Variants in CLIC5 observed in about 807,000 individuals in gnomAD.
CLIC5 encodes chloride intracellular channel protein 5.
A neutral mutation model predicts 24.7 loss-of-function variants in CLIC5; 20 were observed. That is an observed-to-expected ratio of 0.81 (90% CI 0.57 to 1.18). The LOEUF (loss-of-function observed/expected upper bound fraction) is 1.18. CLIC5 is among the 50% of genes most tolerant of loss of function. The probability of loss-of-function intolerance (pLI) is 0.00; values close to 1 mark genes in which losing one functional copy is unlikely to be tolerated. For synonymous variants in CLIC5, 159 were observed against 135.6 expected (o/e 1.17, Z -1.20); for missense variants, 341 against 326.1 (o/e 1.05, Z -0.35).
the CLIC5 span, among the ~76,000 whole-genome samples, chr6:46,087,110 A>C: frequency 6.6e-6 from 1 of 152,152 alleles, no homozygotes; most frequent in Non-Finnish European, 1.5e-5. Flanking sequence ...TGCTTCTCAA[A>C]TTGAACATGG....
At chr6:45,994,033 T>C (rs7773297) in intron 1 of CLIC5, among the ~76,000 whole-genome samples, 89,666 of 151,954 alleles carry the variant, frequency 0.59, 26,825 homozygotes, top group East Asian at 0.78. Context: ...AGCTTTTTTC[T>C]TGAGATTGAC....
the CLIC5 span, among the ~76,000 whole-genome samples, chr6:46,099,633 T>G: frequency 6.6e-6 from 1 of 152,238 alleles, no homozygotes; most frequent in Non-Finnish European, 1.5e-5. Context: ...TATATATGTA[T>G]GTACATATGC....
intron 1 of CLIC5, among the ~76,000 whole-genome samples, chr6:46,048,747 G>A (rs1768023929): frequency 6.6e-6 from 1 of 152,122 alleles, no homozygotes; most frequent in African/African-American, 2.4e-5. Context: ...TTTAACCAGT[G>A]AGAAGTTGGC....
chr6:45,891,633 CA>C lies in CLIC5; in HGVS notation c.624-10446del, dbSNP rs5875942. 5.5e-3 allele frequency among the ~76,000 whole-genome samples: 700 copies of C among 126,556 alleles called. 5 individuals are homozygous for C. The highest frequency in any genetic ancestry group is 0.015 in the African/African-American group (540 of 35,122). The allele number at this position is 126,556 out of a possible 152,430, so 83.0% of individuals were successfully genotyped here. A position where few individuals can be genotyped will look rare whatever the true frequency, so the allele number is the denominator to read the frequency against. On this transcript the variant is annotated intron_variant, in intron 6 of 6. Coordinates refer to the CLIC5 transcript ENST00000644324. ...CTGGTGACAGAGCAAGATTTCATTT[CA>C]AAAAAAAAAAAAAAGAATGTGTATG...
rs116333769 is a variant in CLIC5 at position 46,063,127 on chromosome 6, G to A, written c.540+16576C>T. 4.7e-3 allele frequency among the ~76,000 whole-genome samples: 723 copies of A among 152,290 alleles called. 3 individuals are homozygous for A. The highest frequency in any genetic ancestry group is 0.016 in the African/African-American group (675 of 41,564). ...GTTTTTTGTCAGAAGGCCAAAATATGTTGCTATAGCTGTCATCTCACAATG... is the reference window on the plus strand; with the variant it reads ...GTTTTTTGTCAGAAGGCCAAAATATATTGCTATAGCTGTCATCTCACAATG... On this transcript the variant is annotated intron_variant, in intron 1 of 5. Coordinates refer to the CLIC5 transcript ENST00000185206.
chr6:45,905,350 C>T (rs982558451), intron 5 of CLIC5, among the ~76,000 whole-genome samples: 1 of 152,102 alleles, frequency 6.6e-6, no homozygotes, highest in Non-Finnish European at 1.5e-5. Context: ...TATAAGTGTT[C>T]CCTTTTCTCC....
chr6:46,074,316 A>T (rs958970564), intron 1 of CLIC5, among the ~76,000 whole-genome samples: 1 of 152,188 alleles, frequency 6.6e-6, no homozygotes. Flanking sequence ...GATTATGTTG[A>T]GTGCCCCATT....
intron 1 of CLIC5, among the ~76,000 whole-genome samples, chr6:45,974,497 G>GTATATATATATA (rs1554154071): frequency 5.2e-5 from 4 of 76,192 alleles, no homozygotes; most frequent in African/African-American, 9.3e-5. Flanking sequence ...GTGTGTGTGT[G>GTATATATATATA]TATATATATA....
At chr6:46,019,372 C>G (rs998866684), upstream of CLIC5, among the ~76,000 whole-genome samples, 4 of 152,080 alleles carry the variant, frequency 2.6e-5, no homozygotes, top group African/African-American at 9.7e-5. Context: ...TGGAAAAGCC[C>G]CTGCCATGCA....
At chr6:46,004,768 A>G (rs574567119) in intron 1 of CLIC5, among the ~76,000 whole-genome samples, 4 of 151,632 alleles carry the variant, frequency 2.6e-5, no homozygotes, top group Non-Finnish European at 5.9e-5. Flanking sequence ...GAAAGGCCAC[A>G]TAACTTTCCC....
chr6:46,055,490 G>A (rs1434435672), intron 1 of CLIC5, among the ~76,000 whole-genome samples: 2 of 151,966 alleles, frequency 1.3e-5, no homozygotes, highest in Non-Finnish European at 2.9e-5. Flanking sequence ...TGCCCGCCTC[G>A]GCCTCCCAAA....
chr6:46,084,186 G>A (rs1216072212), upstream of CLIC5, among the ~76,000 whole-genome samples: 1 of 152,052 alleles, frequency 6.6e-6, no homozygotes, highest in Non-Finnish European at 1.5e-5. Context: ...TGTGAGATGG[G>A]TTTCCTGAAT....
At chr6:45,966,796 C>T (rs750866253) in intron 1 of CLIC5, among the ~76,000 whole-genome samples, 1 of 152,218 alleles carries the variant, frequency 6.6e-6, no homozygotes, top group South Asian at 2.1e-4. Flanking sequence ...TTGAGTTGTT[C>T]AGGGCATGGA....
At chr6:45,929,886 C>T (rs1244584866) in intron 4 of CLIC5, among the ~76,000 whole-genome samples, 1 of 152,190 alleles carries the variant, frequency 6.6e-6, no homozygotes, top group Non-Finnish European at 1.5e-5. Context: ...CCTTAGCTTT[C>T]TCATCAGGCC....
chr6:46,017,005 A>C (rs755687684), upstream of CLIC5, among the ~76,000 whole-genome samples: 11 of 152,138 alleles, frequency 7.2e-5, no homozygotes, highest in Non-Finnish European at 1.5e-4. Flanking sequence ...TCTCTCTATC[A>C]AACATCTTTT....
intron 1 of CLIC5, among the ~76,000 whole-genome samples, chr6:46,062,107 A>C (rs1762297974): frequency 1.3e-5 from 2 of 152,216 alleles, no homozygotes; most frequent in African/African-American, 4.8e-5. Flanking sequence ...TTTCACTGTA[A>C]TTCATTTAAA....
intron 3 of CLIC5, among the ~76,000 whole-genome samples, chr6:45,944,370 G>A (rs993536791): frequency 6.6e-6 from 1 of 151,942 alleles, no homozygotes; most frequent in Non-Finnish European, 1.5e-5. Context: ...GTGGAATTGT[G>A]ACAGACACTG....
intron 4 of CLIC5, among the ~76,000 whole-genome samples, chr6:45,928,460 G>A (rs951810422): frequency 6.6e-6 from 1 of 152,126 alleles, no homozygotes; most frequent in African/African-American, 2.4e-5. Context: ...TCAAAGCTAC[G>A]TCCTAACCAC....
intron 4 of CLIC5, among the ~76,000 whole-genome samples, chr6:45,926,450 G>A (rs1279229357): frequency 1.3e-5 from 2 of 151,156 alleles, no homozygotes; most frequent in East Asian, 3.9e-4. Flanking sequence ...TAGAGATGGG[G>A]TTTCACCATA....
Sources: gnomAD v4.1 joint callset for allele counts (sites outside exome capture counted in the v4.1 genomes callset) on GRCh38, gnomAD v4.1.1 for gene constraint, MANE v1.5 for transcripts, NCBI Gene and HGNC (gene_info 2026-07-23, HGNC 2026-07-21) for gene names.